Variants in SLC39A11 observed in about 807,000 individuals in gnomAD.
The protein encoded by SLC39A11 is solute carrier family 39 member 11.
A neutral mutation model predicts 36.1 loss-of-function variants in SLC39A11; 33 were observed. That is an observed-to-expected ratio of 0.91 (90% CI 0.69 to 1.22). The LOEUF (loss-of-function observed/expected upper bound fraction) is 1.22, where lower values mean the gene tolerates loss of function less well. Among genes scored for constraint, SLC39A11 ranks in the 50% most tolerant of loss-of-function variants. The pLI is 0.00. For missense variants in SLC39A11, 432 were observed against 430.3 expected (o/e 1.00, Z -0.03); for synonymous variants, 166 against 170.3 (o/e 0.97, Z 0.20).
chr17:73,049,199 T>C (rs2059416314), intron 3 of SLC39A11, among the ~76,000 whole-genome samples: 1 of 151,824 alleles, frequency 6.6e-6, no homozygotes, highest in Non-Finnish European at 1.5e-5. Flanking sequence ...TGGCAGAGGA[T>C]ATATCATAAG....
chr17:73,075,467 T>C (rs1229763491), intron 3 of SLC39A11, among the ~76,000 whole-genome samples: 1 of 152,224 alleles, frequency 6.6e-6, no homozygotes, highest in African/African-American at 2.4e-5. Flanking sequence ...GACTTGTTTC[T>C]TGTCTGTAAA....
At chr17:72,924,269 C>A (rs572791488) in intron 5 of SLC39A11, among the ~76,000 whole-genome samples, 1 of 151,224 alleles carries the variant, frequency 6.6e-6, no homozygotes, top group South Asian at 2.1e-4. Flanking sequence ...CCCCACCTCG[C>A]CCTACCCTAA....
At chr17:72,897,337 A>G (rs1400804682) in intron 5 of SLC39A11, among the ~76,000 whole-genome samples, 1 of 152,186 alleles carries the variant, frequency 6.6e-6, no homozygotes, top group East Asian at 1.9e-4. Flanking sequence ...TAACCTCATT[A>G]AAACATGTTA....
chr17:73,007,582 A>T (rs1053716735), intron 4 of SLC39A11, among the ~76,000 whole-genome samples: 1 of 152,148 alleles, frequency 6.6e-6, no homozygotes, highest in African/African-American at 2.4e-5. Context: ...GAAAAGGCTC[A>T]AAAAGACAAA....
At chr17:72,807,658 T>TG (rs1212481647) in intron 6 of SLC39A11, among the ~76,000 whole-genome samples, 1 of 152,176 alleles carries the variant, frequency 6.6e-6, no homozygotes, top group Admixed American at 6.5e-5. Context: ...CGGAGGTGCT[T>TG]GGAAGGGCAG....
intron 4 of SLC39A11, among the ~76,000 whole-genome samples, chr17:72,948,521 G>A (rs1264911691): frequency 6.6e-6 from 1 of 152,188 alleles, no homozygotes; most frequent in African/African-American, 2.4e-5. Context: ...CAACTTATTT[G>A]GAATTCACCA....
chr17:72,831,989 G>GCT (rs1214876004), intron 6 of SLC39A11, among the ~76,000 whole-genome samples: 4 of 152,210 alleles, frequency 2.6e-5, no homozygotes, highest in Non-Finnish European at 5.9e-5. Context: ...AAGAGGAGGA[G>GCT]AAGGAGGTTG....
At chr17:72,718,017 G>A (rs1598433863) in intron 7 of SLC39A11, among the ~76,000 whole-genome samples, 1 of 152,260 alleles carries the variant, frequency 6.6e-6, no homozygotes, top group Admixed American at 6.5e-5. Flanking sequence ...CACTCATCTG[G>A]AGCAACACTC....
intron 7 of SLC39A11, among the ~76,000 whole-genome samples, chr17:72,654,790 C>T (rs1348167369): frequency 6.6e-6 from 1 of 152,216 alleles, no homozygotes; most frequent in Non-Finnish European, 1.5e-5. Flanking sequence ...CAGGCAGGCA[C>T]ACGAAGGTAG....
chr17:72,851,641 CTCAG>C (rs766619610), intron 5 of SLC39A11, among the ~76,000 whole-genome samples: 61 of 152,298 alleles, frequency 4.0e-4, no homozygotes, highest in Admixed American at 1.6e-3. Flanking sequence ...ATAGCTAGAT[CTCAG>C]TCAATCACAA....
At chr17:72,938,028 G>A (rs2084880472) in intron 5 of SLC39A11, among the ~76,000 whole-genome samples, 1 of 152,220 alleles carries the variant, frequency 6.6e-6, no homozygotes, top group African/African-American at 2.4e-5. Flanking sequence ...GCAAATCCCT[G>A]AACATCCAGC....
chr17:72,868,257 T>C (rs1394805110), intron 5 of SLC39A11, among the ~76,000 whole-genome samples: 1 of 151,474 alleles, frequency 6.6e-6, no homozygotes, highest in Non-Finnish European at 1.5e-5. Context: ...AATAGAAAAA[T>C]GAGGAGAGAA....
chr17:72,800,335 G>C (rs1015292684), intron 6 of SLC39A11, among the ~76,000 whole-genome samples: 1 of 141,052 alleles, frequency 7.1e-6, no homozygotes, highest in African/African-American at 2.7e-5. Flanking sequence ...TTTTGAGATG[G>C]AGTCTTGCCC....
chr17:72,715,512 G>A (rs910089602), intron 7 of SLC39A11, among the ~76,000 whole-genome samples: 11 of 152,120 alleles, frequency 7.2e-5, no homozygotes, highest in South Asian at 4.2e-4. Context: ...GACCCCTGAG[G>A]ACATTATGCT....
At chr17:72,927,426 A>G (rs532401489) in intron 5 of SLC39A11, among the ~76,000 whole-genome samples, 1 of 152,334 alleles carries the variant, frequency 6.6e-6, no homozygotes, top group Admixed American at 6.5e-5. Flanking sequence ...GCCTTCAGGT[A>G]TATGAAATTC....
intron 6 of SLC39A11, among the ~76,000 whole-genome samples, chr17:72,805,914 A>G (rs1469022264): frequency 6.6e-6 from 1 of 151,698 alleles, no homozygotes; most frequent in East Asian, 1.9e-4. Flanking sequence ...ATGCCCAGCT[A>G]ATTTTTTTTT....
At chr17:73,062,960 TCACTCACCCGC>T (rs2059892572) in intron 3 of SLC39A11, among the ~76,000 whole-genome samples, 1 of 151,984 alleles carries the variant, frequency 6.6e-6, no homozygotes, top group South Asian at 2.1e-4. Flanking sequence ...GAAGCTTTGC[TCACTCACCCGC>T]CACTCACCTC....
At chr17:72,704,515 C>T (rs1028945323) in intron 7 of SLC39A11, among the ~76,000 whole-genome samples, 2 of 152,142 alleles carry the variant, frequency 1.3e-5, no homozygotes, top group Admixed American at 1.3e-4. Flanking sequence ...TTGACAAATC[C>T]CTTTTATTTG....
intron 7 of SLC39A11, among the ~76,000 whole-genome samples, chr17:72,699,972 G>T (rs1027917648): frequency 3.4e-5 from 5 of 147,902 alleles, no homozygotes; most frequent in Admixed American, 3.4e-4. Context: ...CTCAACACAG[G>T]AGCTGGCCTC....
Sources: gnomAD v4.1 joint callset for allele counts (sites outside exome capture counted in the v4.1 genomes callset) on GRCh38, gnomAD v4.1.1 for gene constraint, MANE v1.5 for transcripts, NCBI Gene and HGNC (gene_info 2026-07-23, HGNC 2026-07-21) for gene names.